Variants in LRRK1 observed in about 807,000 individuals in gnomAD.
LRRK1 encodes the protein leucine-rich repeat serine/threonine-protein kinase 1.
Under a neutral mutation model 209.1 loss-of-function variants are expected in LRRK1, and 113 were observed. The observed-to-expected ratio is 0.54, with a 90% CI of 0.46 to 0.63. The LOEUF (loss-of-function observed/expected upper bound fraction) is 0.63, where lower values mean the gene tolerates loss of function less well. LRRK1 is among the 30% of genes least tolerant of loss of function. The pLI is 0.00. For synonymous variants in LRRK1, 1,144 were observed against 1,099.7 expected, an observed-to-expected ratio of 1.04 and a Z score of -0.80; for missense variants, 2,284 against 2,632.2, an observed-to-expected ratio of 0.87 and a Z score of 2.89.
chr15:100,936,480 A>G (rs542194700), intron 2 of LRRK1, among the ~76,000 whole-genome samples: 15 of 152,342 alleles, frequency 9.8e-5, no homozygotes, highest in African/African-American at 2.4e-4. Context: ...TATTAAGAGA[A>G]AGAAAATCAC....
rs762619194 is a variant in LRRK1, at chr15:101,024,775, C to T, written c.2068-28C>T. 1.9e-6 allele frequency: 3 copies of T among 1,599,974 alleles called. No homozygotes were observed. In the Admixed American group the frequency reaches 5.0e-5, roughly 27 times the overall value. On this transcript the variant is annotated intron_variant, in intron 15 of 33. Transcript: ENST00000388948. The surrounding 1 kb of genome is among the most constrained non-coding windows in gnomAD (Gnocchi z 4.6). ...TGAAGCCTTTGTCTCTAAAATGCCT[C>T]CCTGTCGCTGCCTTGTTGCTCAAGT...
intron 12 of LRRK1, among the ~76,000 whole-genome samples, chr15:101,019,914 C>T (rs562602300): frequency 2.0e-5 from 3 of 152,170 alleles, no homozygotes; most frequent in South Asian, 2.1e-4. Context: ...CTCTGGTGCC[C>T]GTGGAAACAG....
intron 2 of LRRK1, among the ~76,000 whole-genome samples, chr15:100,928,067 G>A (rs1470005348): frequency 6.6e-6 from 1 of 152,206 alleles, no homozygotes; most frequent in Non-Finnish European, 1.5e-5. Flanking sequence ...CATCGGTGCT[G>A]TTTATGTTTC....
chr15:101,012,196 G>T, intron 10 of LRRK1, 51 bp downstream of exon 10: 1 of 1,469,228 alleles, frequency 6.8e-7, no homozygotes, highest in Non-Finnish European at 9.3e-7. Flanking sequence ...AGAGAAAATT[G>T]CTCCGTGTTG....
At chr15:101,019,831 C>G (rs2033696520) in intron 12 of LRRK1, among the ~76,000 whole-genome samples, 1 of 152,208 alleles carries the variant, frequency 6.6e-6, no homozygotes, top group Non-Finnish European at 1.5e-5. Flanking sequence ...AAAGGCACTT[C>G]AGAGATTCTG....
In LRRK1 at chr15:101,027,242, C is replaced by T. The variant is rs372002396; in HGVS notation, c.2406-19C>T. On this transcript the variant is annotated intron_variant, in intron 17 of 33. Transcript: ENST00000388948. The surrounding 1 kb of genome is among the most constrained non-coding windows in gnomAD (Gnocchi z 5.1). ...CGGAGTGGGGCATGATGAGTAAAGACGGGTCTTTTTGCTCACAGTGAGATT... is the reference window on the plus strand; with the variant it reads ...CGGAGTGGGGCATGATGAGTAAAGATGGGTCTTTTTGCTCACAGTGAGATT... 82 of 1,613,544 alleles carry T rather than the reference C, an allele frequency of 5.1e-5. No individual in the cohort carries two copies. The highest frequency in any genetic ancestry group is 3.3e-4 in the East Asian group (15 of 44,862).
At chr15:100,982,902 A>G (rs2141663313) in intron 3 of LRRK1, among the ~76,000 whole-genome samples, 1 of 152,360 alleles carries the variant, frequency 6.6e-6, no homozygotes, top group East Asian at 1.9e-4. Context: ...GCCACATTAA[A>G]GCAGTAAACA....
intron 6 of LRRK1, among the ~76,000 whole-genome samples, chr15:100,996,122 T>C (rs570051714): frequency 6.6e-6 from 1 of 152,290 alleles, no homozygotes; most frequent in East Asian, 1.9e-4. Context: ...GCTGGTGGCC[T>C]TTCCTGAGGG....
chr15:101,059,639 G>T (rs1008245015), intron 29 of LRRK1, among the ~76,000 whole-genome samples: 5 of 148,988 alleles, frequency 3.4e-5, no homozygotes, highest in African/African-American at 1.3e-4. Context: ...GTAAAGTCGG[G>T]TAAGTAAAAG....
intron 28 of LRRK1, 86 bp from the exon 29 acceptor site, chr15:101,057,904 T>C (rs557231899): frequency 1.4e-6 from 2 of 1,422,670 alleles, no homozygotes; most frequent in African/African-American, 1.4e-5. Context: ...TCCTCCCTGG[T>C]TGGGGCTGGC....
At chr15:101,010,958 C>A in intron 9 of LRRK1, 121 bp downstream of exon 9, 1 of 811,626 alleles carries the variant, frequency 1.2e-6, no homozygotes, top group Non-Finnish European at 1.9e-6. Context: ...GGTAGAAGGG[C>A]CCGGTTCCCA....
rs1015988642 is a variant in LRRK1 at position 101,027,627 on chromosome 15, C to A, written c.2527-11C>A. On this transcript the variant is annotated splice_polypyrimidine_tract_variant and intron_variant, in intron 18 of 33. Transcript: ENST00000388948. This position sits in a 1 kb window ranked among gnomAD's most constrained non-coding sequence, Gnocchi z 5.1. ...ACCTGAGAGACCCTGCCTCGCCCAA[C>A]TGTCCCCCAGATCCCCAGGAGCTAC... is the stretch of plus-strand genomic sequence containing the variant. The A allele has an allele frequency of 6.2e-7, 1 of 1,609,836 alleles. No homozygotes were observed. The highest frequency in any genetic ancestry group is 1.3e-5 in the African/African-American group (1 of 74,990).
Position 101,075,420 on chromosome 15 carries a change from G to T in LRRK1, c.*6572G>T, listed in dbSNP as rs200918280. On this transcript the variant is annotated 3_prime_UTR_variant, in exon 34 of 34. Transcript: ENST00000388948. ...TTTGTGTCCTCCTCTTGTATCCCCC[G>T]ACCTTAACCCATAAGTATAAGATAC... 9.1e-5 allele frequency: 10 copies of T among 110,116 alleles called. 1 individual carries two copies. Among genetic ancestry groups the T allele is most frequent in the African/African-American group, 3.6e-4 (8 of 22,526 alleles). 6.8% of individuals were successfully genotyped at this position (110,116 alleles called of 1,614,324 possible).
chr15:100,998,482 G>T (rs1488032998), intron 6 of LRRK1, among the ~76,000 whole-genome samples: 2 of 152,184 alleles, frequency 1.3e-5, no homozygotes, highest in Non-Finnish European at 2.9e-5. Flanking sequence ...TGGGTTATTT[G>T]TTTGGGTGAC....
Position 101,027,370 on chromosome 15 carries a change from G to C in LRRK1, c.2515G>C (p.Ala839Pro). 1.2e-6 allele frequency: 2 copies of C among 1,613,622 alleles called. No homozygotes were observed. Among genetic ancestry groups the C allele is most frequent in the Non-Finnish European group, 8.5e-7 (1 of 1,180,004 alleles). Residue 839 changes from alanine to proline, a missense_variant, in exon 18 of 34, where the codon GCA (alanine) becomes CCA (proline). This residue lies in a region of LRRK1 where 780 missense variants were observed against 985.2 expected (regional missense o/e 0.79). Transcript: ENST00000388948. This position sits in a 1 kb window ranked among gnomAD's most constrained non-coding sequence, Gnocchi z 5.1. Reference sequence around the variant, plus strand: ...CAGCACCATCGGCTGCCAGCGACTGGCAGGGCGGCTGGTGGGTACCTTGCT... The same window carrying C: ...CAGCACCATCGGCTGCCAGCGACTGCCAGGGCGGCTGGTGGGTACCTTGCT... ...VGSTIGCQRL[A>P]GRLIPRSYLS...
At chr15:101,063,017 C>T (rs141869994) in intron 31 of LRRK1, among the ~76,000 whole-genome samples, 3 of 152,270 alleles carry the variant, frequency 2.0e-5, no homozygotes, top group South Asian at 2.1e-4. Context: ...TTCCCCTATC[C>T]GGAGCCTCTT....
intron 9 of LRRK1, among the ~76,000 whole-genome samples, chr15:101,011,676 T>G (rs2033255595): frequency 6.6e-6 from 1 of 152,156 alleles, no homozygotes; most frequent in Non-Finnish European, 1.5e-5. Context: ...ATTCCTAGTT[T>G]GGCCATTCGT....
chr15:100,988,755 C>T lies in LRRK1; in HGVS notation c.555C>T (p.Val185=), dbSNP rs764252227. 3.7e-6 allele frequency: 6 copies of T among 1,613,476 alleles called. No individual in the cohort carries two copies. Among genetic ancestry groups the T allele is most frequent in the Non-Finnish European group, 5.1e-6 (6 of 1,179,542 alleles). Residue 185 remains valine (V), a synonymous_variant, in exon 5 of 34, where the codon GTC becomes GTT. Coordinates refer to ENST00000388948, the MANE Select transcript of LRRK1 (RefSeq NM_024652.6). ...GGGCTGACCCGGAGAGCTACGCTGT[C>T]AGGAAGAATGAGTTCCCTGTCATCG... The part of the protein sequence containing the change: ...THGADPESYA[V]RKNEFPVIVR...
Position 101,068,754 on chromosome 15 carries a change from T to C in LRRK1, c.5954T>C (p.Val1985Ala), listed in dbSNP as rs1445097736. The C allele has an allele frequency of 5.0e-6, 8 of 1,613,948 alleles. No individual in the cohort carries two copies. The highest frequency in any genetic ancestry group is 6.8e-6 in the Non-Finnish European group (8 of 1,179,894). The part of the protein sequence containing the change: ...ENENTEWCLA[V>A]WRGWGAREFD... The stretch of plus-strand genomic sequence containing the variant: ...GAAAACACAGAGTGGTGCCTGGCCG[T>C]CTGGAGGGGCTGGGGCGCCAGGGAG... Residue 1985 changes from valine (V) to alanine (A), a missense_variant, in exon 34 of 34, where the codon GTC becomes GCC. By Grantham distance (64) the Val-to-Ala change is moderately conservative (BLOSUM62 0). This residue lies in a region of LRRK1 where 643 missense variants were observed against 695.9 expected (regional missense o/e 0.92). Transcript: ENST00000388948.
Sources: gnomAD v4.1 joint callset for allele counts (sites outside exome capture counted in the v4.1 genomes callset) on GRCh38, gnomAD v4.1.1 for gene constraint, gnomAD v4.1.1 regional missense constraint, Gnocchi (gnomAD v3.1) non-coding constraint, MANE v1.5 for transcripts, NCBI Gene and HGNC (gene_info 2026-07-23, HGNC 2026-07-21) for gene names.